Variants in CCDC171 observed in about 807,000 individuals in gnomAD.
CCDC171 encodes the protein coiled-coil domain containing 171.
CCDC171 carries 177 observed loss-of-function variants against 168.2 expected under a neutral mutation model. The observed-to-expected ratio is 1.05, with a 90% CI of 0.93 to 1.19. CCDC171 has a LOEUF of 1.19. Ranked by LOEUF, CCDC171 falls within the 50% of genes most tolerant of loss-of-function variation. The pLI is 0.00. For synonymous variants in CCDC171, 687 were observed against 540.8 expected, an observed-to-expected ratio of 1.27 and a Z score of -3.75; for missense variants, 1,991 against 1,539.0, an observed-to-expected ratio of 1.29 and a Z score of -4.91.
At chr9:15,688,935 C>T (rs543303991) in intron 10 of CCDC171, among the ~76,000 whole-genome samples, 3 of 152,144 alleles carry the variant, frequency 2.0e-5, no homozygotes, top group Admixed American at 6.5e-5. Flanking sequence ...TTGACATAAT[C>T]CTGTATATAT....
chr9:15,855,499 T>G lies in CCDC171; in HGVS notation c.3468+6552T>G, dbSNP rs761679743. On this transcript the variant is annotated intron_variant, in intron 23 of 25. Transcript: ENST00000380701. The stretch of plus-strand genomic sequence containing the variant: ...ATCACGTTTTGAAAAACATTCATTT[T>G]GCTAACTTCTGACTTTCAATTGGAT... Among the ~76,000 whole-genome samples, 74 of 151,952 alleles carry G rather than the reference T, an allele frequency of 4.9e-4. 1 individual carries two copies. Among genetic ancestry groups the G allele is most frequent in the Non-Finnish European group, 7.5e-4 (51 of 67,840 alleles).
chr9:15,753,057 G>A lies in CCDC171; in HGVS notation c.2671+7426G>A, dbSNP rs1458597793. Among the ~76,000 whole-genome samples, 3 of 152,100 alleles carry A rather than the reference G, an allele frequency of 2.0e-5. 1 individual carries two copies. Among genetic ancestry groups the A allele is most frequent in the East Asian group, 3.9e-4 (2 of 5,190 alleles). On this transcript the variant is annotated intron_variant, in intron 18 of 25. Transcript: ENST00000380701. ...ATATTCTAGGAGATAAAATAAAAAT[G>A]TGTGAATTGGTCTGACGCTAATACG...
At chr9:16,054,121 G>A (rs924628714) in intron 1 of CCDC171, among the ~76,000 whole-genome samples, 3 of 152,134 alleles carry the variant, frequency 2.0e-5, no homozygotes, top group African/African-American at 4.8e-5. Flanking sequence ...ATTTGAGTGC[G>A]TGGAAAGATA....
At chr9:15,686,776 A>G (rs963632509) in intron 10 of CCDC171, among the ~76,000 whole-genome samples, 4 of 152,198 alleles carry the variant, frequency 2.6e-5, no homozygotes, top group Non-Finnish European at 2.9e-5. Context: ...AAAACCTGAC[A>G]TAATTGAAGG....
rs3750402 is a variant in CCDC171 at position 15,972,115 on chromosome 9, C to G, written c.*279C>G. On this transcript the variant is annotated 3_prime_UTR_variant, in exon 26 of 26. Coordinates refer to ENST00000380701, the MANE Select transcript of CCDC171 (RefSeq NM_173550.4). ...CACATTTTGGGTAATTTCCCTCAGA[C>G]TTAAAAAAATCAATAAGCCATTTTA... The G allele has an allele frequency of 0.046, 17,829 of 385,480 alleles. 447 individuals carry two copies. The highest frequency in any genetic ancestry group is 0.078 in the Middle Eastern group (107 of 1,366). The allele number at this position is 385,480 out of a possible 1,614,324, so 23.9% of individuals were successfully genotyped here.
At chr9:15,560,796 G>C (rs1320753820) in intron 1 of CCDC171, among the ~76,000 whole-genome samples, 3 of 152,048 alleles carry the variant, frequency 2.0e-5, no homozygotes, top group East Asian at 1.9e-4. Context: ...CGTTCTTTTG[G>C]AGGGGGAGAG....
At chr9:15,567,430 T>C (rs1197927265) in intron 2 of CCDC171, among the ~76,000 whole-genome samples, 5 of 152,236 alleles carry the variant, frequency 3.3e-5, no homozygotes, top group Non-Finnish European at 7.3e-5. Flanking sequence ...GAATTCTTTG[T>C]CTTTCCATAT....
At chr9:15,797,037 A>G (rs553276477) in intron 21 of CCDC171, among the ~76,000 whole-genome samples, 9 of 152,304 alleles carry the variant, frequency 5.9e-5, no homozygotes, top group African/African-American at 2.2e-4. Context: ...TTTGCTTCAC[A>G]TCCTGGTGAA....
intron 3 of CCDC171, among the ~76,000 whole-genome samples, chr9:16,017,685 G>A (rs573267280): frequency 6.6e-6 from 1 of 152,152 alleles, no homozygotes; most frequent in African/African-American, 2.4e-5. Context: ...AAAGCATTTT[G>A]TTAGTTTATG....
At chr9:15,615,386 C>G (rs2044006337) in intron 6 of CCDC171, among the ~76,000 whole-genome samples, 1 of 151,992 alleles carries the variant, frequency 6.6e-6, no homozygotes, top group Non-Finnish European at 1.5e-5. Flanking sequence ...TTGTATGTGT[C>G]TATATCTGTG....
At chr9:15,959,655 T>C (rs1165288828) in intron 25 of CCDC171, among the ~76,000 whole-genome samples, 2 of 151,964 alleles carry the variant, frequency 1.3e-5, no homozygotes, top group Admixed American at 6.6e-5. Context: ...TGAAACACCA[T>C]TGTGCGGACT....
rs1002703328 is a variant in CCDC171 at position 15,610,475 on chromosome 9, A to C, written c.676-12792A>C. On this transcript the variant is annotated intron_variant, in intron 6 of 25. Coordinates refer to ENST00000380701, the MANE Select transcript of CCDC171 (RefSeq NM_173550.4). ...AAAAAAAAAAAAAAAAAAAAAAAAAAAAAAAACTGGGCGTGGTGGTGGGTG... is the reference window on the plus strand; with the variant it reads ...AAAAAAAAAAAAAAAAAAAAAAAAACAAAAAACTGGGCGTGGTGGTGGGTG... 6.3e-5 allele frequency among the ~76,000 whole-genome samples: 9 copies of C among 142,636 alleles called. No individual in the cohort carries two copies. The East Asian group carries it at 1.0e-3, about 17-fold the overall frequency. The allele number at this position is 142,636 out of a possible 152,430, so 93.6% of individuals were successfully genotyped here. A position where few individuals can be genotyped will look rare whatever the true frequency, so the allele number is the denominator to read the frequency against.
intron 7 of CCDC171, among the ~76,000 whole-genome samples, chr9:15,640,515 A>T (rs1336632823): frequency 6.6e-6 from 1 of 152,160 alleles, no homozygotes; most frequent in African/African-American, 2.4e-5. Flanking sequence ...CATACACGAG[A>T]GTTCTTTGAA....
chr9:15,830,597 T>C (rs1390862502), intron 21 of CCDC171, among the ~76,000 whole-genome samples: 2 of 152,186 alleles, frequency 1.3e-5, no homozygotes, highest in African/African-American at 2.4e-5. Flanking sequence ...CTTTACCATG[T>C]AGAACAATGC....
rs1588149735 is a variant in CCDC171 at position 15,724,791 on chromosome 9, C to T, written c.1507C>T (p.Leu503=). The T allele has an allele frequency of 4.3e-6, 7 of 1,612,906 alleles. No homozygotes were observed. The highest frequency in any genetic ancestry group is 5.9e-6 in the Non-Finnish European group (7 of 1,179,088). The part of the protein sequence containing the change: ...TKNIKELQDK[L]ADVNKELSHL... ...TCTATGACAGGAACTTCAGGATAAA[C>T]TGGCTGATGTTAATAAAGAGTTAAG... Residue 503 remains leucine (L), a synonymous_variant, in exon 14 of 26, where the codon CTG becomes TTG. Transcript: ENST00000380701.
At chr9:15,897,657 G>A (rs957941701) in intron 24 of CCDC171, among the ~76,000 whole-genome samples, 8 of 152,036 alleles carry the variant, frequency 5.3e-5, no homozygotes, top group Non-Finnish European at 1.0e-4. Flanking sequence ...ATTCAAAAGG[G>A]GTTTGCTTTG....
intron 21 of CCDC171, among the ~76,000 whole-genome samples, chr9:15,814,564 T>C (rs2059486907): frequency 1.3e-5 from 2 of 152,184 alleles, no homozygotes; most frequent in Non-Finnish European, 2.9e-5. Context: ...AATGACTGAA[T>C]CATTTGGGAT....
intron 24 of CCDC171, among the ~76,000 whole-genome samples, chr9:15,902,274 A>G (rs1219368118): frequency 1.3e-5 from 2 of 150,118 alleles, no homozygotes; most frequent in Non-Finnish European, 3.0e-5. Flanking sequence ...ATATATATAT[A>G]TATATATACA....
the CCDC171 span, among the ~76,000 whole-genome samples, chr9:16,095,550 C>T: frequency 6.6e-6 from 1 of 152,046 alleles, no homozygotes; most frequent in Admixed American, 6.5e-5. Context: ...CTTTCTCTCT[C>T]TCTCTCGCGC....
Sources: allele counts gnomAD v4.1 joint callset (sites outside exome capture counted in the v4.1 genomes callset), GRCh38; gene constraint gnomAD v4.1.1; transcripts MANE v1.5; gene names NCBI Gene and HGNC (gene_info 2026-07-23, HGNC 2026-07-21).